Variants in TBCEL observed in about 807,000 individuals in gnomAD.
TBCEL encodes the protein tubulin folding cofactor E like, also known as tubulin-specific chaperone cofactor E-like protein.
A neutral mutation model predicts 44.2 loss-of-function variants in TBCEL; 15 were observed. That is an observed-to-expected ratio of 0.34 (90% CI 0.23 to 0.52). The LOEUF (loss-of-function observed/expected upper bound fraction) is 0.52, where lower values mean the gene tolerates loss of function less well. Among genes scored for constraint, TBCEL ranks in the 20% least tolerant of loss-of-function variants. TBCEL has a pLI of 0.95. For synonymous variants in TBCEL, 171 were observed against 185.4 expected, an observed-to-expected ratio of 0.92 and a Z score of 0.63; for missense variants, 319 against 506.3, an observed-to-expected ratio of 0.63 and a Z score of 3.55.
rs1945331404 is a variant in TBCEL at position 121,041,447 on chromosome 11, C to A, written c.-17-4227C>A. Among the ~76,000 whole-genome samples, 6 of 152,138 alleles carry A rather than the reference C, an allele frequency of 3.9e-5. No homozygotes were observed. The South Asian group carries it at 1.2e-3, about 32-fold the overall frequency. ...AGGCACAAACGAATTGAAATTTTCA[C>A]AGGGCCACTTCACAACTTAGTAATG... On this transcript the variant is annotated intron_variant, in intron 2 of 8. Coordinates refer to ENST00000683345, the MANE Select transcript of TBCEL (RefSeq NM_001363644.2).
chr11:121,064,814 A>G (rs984099151), intron 8 of TBCEL, among the ~76,000 whole-genome samples: 1 of 151,998 alleles, frequency 6.6e-6, no homozygotes, highest in African/African-American at 2.4e-5. Context: ...CCATTATCAT[A>G]CTTATTTTCT....
rs1418982729 is a variant in TBCEL at position 121,087,502 on chromosome 11, T to C, written c.*406T>C. 1 of 160,900 alleles carries C rather than the reference T, an allele frequency of 6.2e-6. No homozygotes were observed. The highest frequency in any genetic ancestry group is 1.4e-5 in the Non-Finnish European group (1 of 73,706). 10.0% of individuals were successfully genotyped at this position (160,900 alleles called of 1,614,324 possible). The stretch of plus-strand genomic sequence containing the variant: ...ATTTAAACAGGGTGACAAGGAATCT[T>C]CACAGGAAGGGCCAGAACTTCTCTC... On this transcript the variant is annotated 3_prime_UTR_variant, in exon 9 of 9. Coordinates refer to ENST00000683345, the MANE Select transcript of TBCEL (RefSeq NM_001363644.2).
chr11:121,041,807 C>CA (rs1278517770), intron 2 of TBCEL, among the ~76,000 whole-genome samples: 3 of 150,688 alleles, frequency 2.0e-5, no homozygotes, highest in Middle Eastern at 3.4e-3. Flanking sequence ...TGTTCTAATT[C>CA]AAAACCTATG....
Position 121,088,971 on chromosome 11 carries a change from T to C in TBCEL, c.*1875T>C, listed in dbSNP as rs137987759. ...GGCTGGGTATAGACAAGAATAATTA[T>C]TTTGCAAACACATTTTCCTGACAGA... On this transcript the variant is annotated 3_prime_UTR_variant, in exon 9 of 9. Transcript: ENST00000683345. 75 of 152,308 alleles carry C rather than the reference T, an allele frequency of 4.9e-4. No individual in the cohort carries two copies. The highest frequency in any genetic ancestry group is 1.7e-3 in the African/African-American group (69 of 41,560). The allele number at this position is 152,308 out of a possible 1,614,324, so 9.4% of individuals were successfully genotyped here.
At chr11:121,068,110 G>A (rs909715121) in intron 8 of TBCEL, among the ~76,000 whole-genome samples, 6 of 152,294 alleles carry the variant, frequency 3.9e-5, no homozygotes, top group African/African-American at 1.4e-4. Context: ...ACTGCCAGAT[G>A]TATACATGCA....
Position 121,045,748 on chromosome 11 carries a change from G to T in TBCEL, c.58G>T (p.Glu20Ter), listed in dbSNP as rs1411887995. Residue 20 changes from glutamate to a stop codon, truncating the protein, a stop_gained, in exon 3 of 9, where the codon GAA (glutamate) becomes TAA (stop). Coordinates refer to ENST00000683345, the MANE Select transcript of TBCEL (RefSeq NM_001363644.2). LOFTEE classifies it high-confidence loss of function. ...MQVLCEKYSP[E>*]NFPYRRGPGM... ...AGTATTATGTGAAAAATATAGTCCT[G>T]AAAATTTTCCTTATCGCCGTGGCCC... is the stretch of plus-strand genomic sequence containing the variant. 6.2e-7 allele frequency: 1 copy of T among 1,611,954 alleles called. No homozygotes were observed. Among genetic ancestry groups the T allele is most frequent in the Non-Finnish European group, 8.5e-7 (1 of 1,179,248 alleles).
At chr11:121,067,216 C>T (rs1945837376) in intron 8 of TBCEL, among the ~76,000 whole-genome samples, 1 of 152,176 alleles carries the variant, frequency 6.6e-6, no homozygotes, top group Non-Finnish European at 1.5e-5. Flanking sequence ...TTACACACAT[C>T]TGTTTCTATG....
intron 4 of TBCEL, among the ~76,000 whole-genome samples, chr11:121,051,771 C>A (rs779820441): frequency 6.6e-6 from 1 of 151,702 alleles, no homozygotes; most frequent in Non-Finnish European, 1.5e-5. Flanking sequence ...AAAAATGGTA[C>A]CCACTTTATA....
rs1945039134 is a variant in TBCEL at position 121,025,936 on chromosome 11, T to G, written c.-126+1645T>G. 2.0e-5 allele frequency among the ~76,000 whole-genome samples: 3 copies of G among 152,162 alleles called. No individual in the cohort carries two copies. The South Asian group carries it at 6.2e-4, about 32-fold the overall frequency. On this transcript the variant is annotated intron_variant, in intron 1 of 8. Coordinates refer to ENST00000683345, the MANE Select transcript of TBCEL (RefSeq NM_001363644.2). ...TTTTAGTTTCCTTTATCCTTTGCTGTGTCTGAGAAATATGAGAGGCCTAGT... is the reference window on the plus strand; with the variant it reads ...TTTTAGTTTCCTTTATCCTTTGCTGGGTCTGAGAAATATGAGAGGCCTAGT...
chr11:121,039,240 G>T lies in TBCEL; in HGVS notation c.-18+2628G>T, dbSNP rs183144362. ...CTCTTGTGTTTGTTCATGTGCTGTTGTTTCCTGTACCTGGAATGCCATTCC... is the reference window on the plus strand; with the variant it reads ...CTCTTGTGTTTGTTCATGTGCTGTTTTTTCCTGTACCTGGAATGCCATTCC... On this transcript the variant is annotated intron_variant, in intron 2 of 8. Coordinates refer to ENST00000683345, the MANE Select transcript of TBCEL (RefSeq NM_001363644.2). Among the ~76,000 whole-genome samples the T allele has an allele frequency of 5.6e-4, 86 of 152,268 alleles. 1 individual carries two copies. The highest frequency in any genetic ancestry group is 4.8e-3 in the Admixed American group (74 of 15,294).
At chr11:121,032,977 C>CT (rs1945169726) in intron 1 of TBCEL, among the ~76,000 whole-genome samples, 1 of 152,182 alleles carries the variant, frequency 6.6e-6, no homozygotes, top group Non-Finnish European at 1.5e-5. Context: ...CTATGAAATA[C>CT]TGGGAGAGAG....
chr11:121,049,046 A>G (rs1238151335), intron 4 of TBCEL, among the ~76,000 whole-genome samples: 1 of 151,912 alleles, frequency 6.6e-6, no homozygotes, highest in Non-Finnish European at 1.5e-5. Context: ...CTTACTTGAC[A>G]GTTTTCCTAA....
chr11:121,067,985 C>A (rs998939851), intron 8 of TBCEL, among the ~76,000 whole-genome samples: 1 of 152,324 alleles, frequency 6.6e-6, no homozygotes, highest in African/African-American at 2.4e-5. Flanking sequence ...ATGTTCCCAA[C>A]CTCTAAAACT....
At chr11:121,055,749 G>A (rs1052496653) in intron 6 of TBCEL, among the ~76,000 whole-genome samples, 2 of 151,652 alleles carry the variant, frequency 1.3e-5, no homozygotes, top group Non-Finnish European at 2.9e-5. Flanking sequence ...GTGTATCACA[G>A]GAATGAATTT....
At chr11:121,084,817 A>T (rs563155190) in intron 8 of TBCEL, among the ~76,000 whole-genome samples, 2 of 152,162 alleles carry the variant, frequency 1.3e-5, no homozygotes, top group African/African-American at 4.8e-5. Context: ...TTGAAGGCAT[A>T]TACTAGGATA....
intron 8 of TBCEL, among the ~76,000 whole-genome samples, chr11:121,084,534 G>A (rs1946182502): frequency 6.6e-6 from 1 of 151,876 alleles, no homozygotes; most frequent in African/African-American, 2.4e-5. Context: ...TTGCCATTTT[G>A]TGTCTCATTA....
At chr11:121,027,396 ACTC>A (rs1173292473) in intron 1 of TBCEL, among the ~76,000 whole-genome samples, 5 of 151,780 alleles carry the variant, frequency 3.3e-5, no homozygotes, top group Non-Finnish European at 5.9e-5. Context: ...TCATGAGAGA[ACTC>A]TTCCAAAGGA....
intron 8 of TBCEL, among the ~76,000 whole-genome samples, chr11:121,065,861 T>C (rs1190685009): frequency 2.0e-5 from 3 of 152,206 alleles, no homozygotes; most frequent in Non-Finnish European, 4.4e-5. Flanking sequence ...TGTCGAGGGC[T>C]TACAGAATCC....
At chr11:121,055,442 C>T in intron 6 of TBCEL, 134 bp downstream of exon 6, 1 of 836,016 alleles carries the variant, frequency 1.2e-6, no homozygotes, top group Non-Finnish European at 1.7e-6. Flanking sequence ...ATGCAGATGC[C>T]TATGATTGGC....
Sources: allele counts gnomAD v4.1 joint callset (sites outside exome capture counted in the v4.1 genomes callset), GRCh38; gene constraint gnomAD v4.1.1; transcripts MANE v1.5; gene names NCBI Gene and HGNC (gene_info 2026-07-23, HGNC 2026-07-21).